PLEKHA7: variants seen among roughly 807,000 people sequenced by gnomAD.
PLEKHA7 encodes the protein pleckstrin homology domain-containing family A member 7.
A neutral mutation model predicts 170.0 loss-of-function variants in PLEKHA7; 104 were observed. The ratio of observed to expected loss-of-function variants is 0.61; its 90% CI spans 0.52 to 0.72. The LOEUF (loss-of-function observed/expected upper bound fraction) is 0.72, where lower values mean the gene tolerates loss of function less well. Among genes scored for constraint, PLEKHA7 ranks in the 30% least tolerant of loss-of-function variants. The probability of loss-of-function intolerance (pLI) is 0.00; values close to 1 mark genes in which losing one functional copy is unlikely to be tolerated. For synonymous variants in PLEKHA7, 648 were observed against 660.8 expected (o/e 0.98, Z 0.30); for missense variants, 1,615 against 1,671.7 (o/e 0.97, Z 0.59).
intron 3 of PLEKHA7, among the ~76,000 whole-genome samples, chr11:16,998,290 G>A (rs1163593210): frequency 6.6e-6 from 1 of 151,726 alleles, no homozygotes; most frequent in Non-Finnish European, 1.5e-5. Flanking sequence ...AACCCAACAC[G>A]AACCTTCAGG....
intron 3 of PLEKHA7, among the ~76,000 whole-genome samples, chr11:16,927,116 A>G (rs1008948448): frequency 6.6e-6 from 1 of 152,166 alleles, no homozygotes; most frequent in Non-Finnish European, 1.5e-5. Context: ...TGAGCCCAGG[A>G]ATTTGAGACT....
chr11:16,980,179 A>T (rs966548212), intron 3 of PLEKHA7, among the ~76,000 whole-genome samples: 1 of 152,230 alleles, frequency 6.6e-6, no homozygotes, highest in African/African-American at 2.4e-5. Flanking sequence ...GACATTCCAA[A>T]CAGAAAACGG....
At chr11:16,855,394 G>A (rs1223540115) in intron 5 of PLEKHA7, among the ~76,000 whole-genome samples, 1 of 152,106 alleles carries the variant, frequency 6.6e-6, no homozygotes, top group Non-Finnish European at 1.5e-5. Context: ...CCTCAATGCT[G>A]GTTCTTTACC....
At chr11:16,888,163 G>A (rs928900290) in intron 3 of PLEKHA7, among the ~76,000 whole-genome samples, 9 of 150,778 alleles carry the variant, frequency 6.0e-5, no homozygotes, top group South Asian at 2.1e-4. Context: ...CCCGGCAGCC[G>A]TCCCCCTCTG....
At chr11:16,975,574 C>A (rs1259448300) in intron 3 of PLEKHA7, among the ~76,000 whole-genome samples, 1 of 152,130 alleles carries the variant, frequency 6.6e-6, no homozygotes, top group Non-Finnish European at 1.5e-5. Flanking sequence ...ATTTTGCTAT[C>A]TGTGGGGGCT....
chr11:16,808,254 G>A (rs1470381089), intron 13 of PLEKHA7, among the ~76,000 whole-genome samples: 1 of 152,194 alleles, frequency 6.6e-6, no homozygotes. Context: ...TCTCTAAGGG[G>A]TAGGACCCAG....
chr11:16,809,896 C>T (rs1564940460), intron 13 of PLEKHA7, among the ~76,000 whole-genome samples: 2 of 152,222 alleles, frequency 1.3e-5, no homozygotes, highest in African/African-American at 4.8e-5. Context: ...CTAACTCCTT[C>T]AATCATTCCG....
intron 3 of PLEKHA7, among the ~76,000 whole-genome samples, chr11:16,982,630 A>G (rs987273107): frequency 6.6e-6 from 1 of 152,056 alleles, no homozygotes; most frequent in Non-Finnish European, 1.5e-5. Flanking sequence ...CGGAGCCCCA[A>G]ACAAACCAGT....
intron 3 of PLEKHA7, among the ~76,000 whole-genome samples, chr11:17,002,667 G>C (rs946570549): frequency 1.3e-5 from 2 of 152,150 alleles, no homozygotes; most frequent in Non-Finnish European, 2.9e-5. Context: ...GCACCACGAA[G>C]ATTATTATTG....
At chr11:16,907,209 T>C (rs1590570780) in intron 3 of PLEKHA7, among the ~76,000 whole-genome samples, 1 of 76,106 alleles carries the variant, frequency 1.3e-5, no homozygotes, top group African/African-American at 7.7e-5. Context: ...GGGAGGGAGG[T>C]GGGGGGGTCA....
At chr11:16,976,666 C>T (rs1398581093) in intron 3 of PLEKHA7, among the ~76,000 whole-genome samples, 3 of 152,234 alleles carry the variant, frequency 2.0e-5, no homozygotes, top group African/African-American at 7.2e-5. Context: ...CCTCTGTAAG[C>T]CACACTTCTG....
At chr11:16,871,208 G>T in intron 3 of PLEKHA7, 26 bp from the exon 4 acceptor site, 2 of 1,550,706 alleles carry the variant, frequency 1.3e-6, no homozygotes, top group South Asian at 1.1e-5. Flanking sequence ...GAAGATGGAT[G>T]AGAATTCGTG....
At chr11:16,853,190 A>AT (rs1300939949) in intron 6 of PLEKHA7, among the ~76,000 whole-genome samples, 15 of 152,276 alleles carry the variant, frequency 9.9e-5, no homozygotes, top group African/African-American at 3.6e-4. Context: ...TACAAAAAAA[A>AT]ATTTTTTTTT....
chr11:16,804,545 C>T (rs575429160), intron 13 of PLEKHA7, among the ~76,000 whole-genome samples: 1 of 152,330 alleles, frequency 6.6e-6, no homozygotes, highest in Admixed American at 6.5e-5. Flanking sequence ...CCTCTCCCTG[C>T]CTTGGAGTGA....
rs1420743015 is a variant in PLEKHA7, at chr11:16,790,996, G to A, written c.2934+15C>T. On this transcript the variant is annotated intron_variant, in intron 20 of 26. Transcript: ENST00000531066. ...CCCCACATGTAGAGTGGCAGCCCCA[G>A]GGTCCCCCGCTCACCCTGGAATCCC... 1.9e-6 allele frequency: 3 copies of A among 1,613,800 alleles called. No individual in the cohort carries two copies. Among genetic ancestry groups the A allele is most frequent in the Non-Finnish European group, 2.5e-6 (3 of 1,180,014 alleles).
At chr11:17,001,488 T>C (rs1864658705) in intron 3 of PLEKHA7, among the ~76,000 whole-genome samples, 1 of 152,116 alleles carries the variant, frequency 6.6e-6, no homozygotes, top group African/African-American at 2.4e-5. Flanking sequence ...GGCTCCCCTC[T>C]TCCGAGACGA....
At chr11:16,816,408 A>G in intron 11 of PLEKHA7, 144 bp from the exon 12 acceptor site, 1 of 653,630 alleles carries the variant, frequency 1.5e-6, no homozygotes, top group Non-Finnish European at 2.7e-6. Flanking sequence ...TCAGGGTTAG[A>G]ACACTAAACT....
chr11:17,010,507 G>A (rs1022828502), intron 3 of PLEKHA7, among the ~76,000 whole-genome samples: 3 of 152,240 alleles, frequency 2.0e-5, no homozygotes, highest in African/African-American at 4.8e-5. Context: ...TTGGGAGGCT[G>A]AAGTGAGAGG....
At chr11:16,982,234 A>C (rs905964172) in intron 3 of PLEKHA7, among the ~76,000 whole-genome samples, 16 of 152,406 alleles carry the variant, frequency 1.0e-4, no homozygotes, top group African/African-American at 3.4e-4. Context: ...CAAAAGCTTT[A>C]TGCCCAAAGA....
Sources: allele counts gnomAD v4.1 joint callset (sites outside exome capture counted in the v4.1 genomes callset), GRCh38; gene constraint gnomAD v4.1.1; transcripts MANE v1.5; gene names NCBI Gene and HGNC (gene_info 2026-07-23, HGNC 2026-07-21).